Variants in PTPRR observed in about 807,000 individuals in gnomAD.
PTPRR encodes the protein receptor-type tyrosine-protein phosphatase R.
Under a neutral mutation model 77.2 loss-of-function variants are expected in PTPRR, and 38 were observed. That is an observed-to-expected ratio of 0.49 (90% CI 0.38 to 0.65). The LOEUF is 0.65. PTPRR is among the 30% of genes least tolerant of loss of function. The pLI is 0.00. For synonymous variants in PTPRR, 299 were observed against 283.1 expected, an observed-to-expected ratio of 1.06 and a Z score of -0.57; for missense variants, 744 against 799.2, an observed-to-expected ratio of 0.93 and a Z score of 0.83.
intron 2 of PTPRR, among the ~76,000 whole-genome samples, chr12:70,825,353 G>A (rs1420920959): frequency 2.0e-5 from 3 of 152,112 alleles, no homozygotes; most frequent in Non-Finnish European, 4.4e-5. Context: ...CAGAGTAAGT[G>A]ACGGAGGCAG....
At position 70,640,342 on chromosome 12, in the gene PTPRR, A is replaced by AG. The variant is rs1566036099; in HGVS notation, c.1881-1066_1881-1065insC. Among the ~76,000 whole-genome samples, 3 of 149,760 alleles carry AG rather than the reference A, an allele frequency of 2.0e-5. No individual in the cohort carries two copies. In the Admixed American group the frequency reaches 2.0e-4, roughly 10 times the overall value. On this transcript the variant is annotated intron_variant, in intron 13 of 13. Coordinates refer to ENST00000283228, the MANE Select transcript of PTPRR (RefSeq NM_002849.4). ...CACCACCACACCTGGACAATTTTTA[A>AG]ATTTTTTTTTTCTTGTAGAGACAAG...
chr12:70,689,126 T>C (rs1265345233), intron 8 of PTPRR, among the ~76,000 whole-genome samples: 4 of 152,084 alleles, frequency 2.6e-5, no homozygotes, highest in African/African-American at 7.2e-5. Flanking sequence ...ATGGTGACTA[T>C]TGTTTAATAA....
chr12:70,713,178 G>A (rs1018186232), intron 6 of PTPRR, among the ~76,000 whole-genome samples: 5 of 152,016 alleles, frequency 3.3e-5, no homozygotes, highest in Non-Finnish European at 7.4e-5. Flanking sequence ...CTTCTTTTAC[G>A]TAGCATAAAT....
At chr12:70,794,636 G>T (rs1476761873) in intron 2 of PTPRR, among the ~76,000 whole-genome samples, 1 of 151,892 alleles carries the variant, frequency 6.6e-6, no homozygotes, top group South Asian at 2.1e-4. Context: ...TCCTTTGGTG[G>T]TATTTAGTGC....
At position 70,846,483 on chromosome 12, in the gene PTPRR, A is replaced by T. The variant is rs536074175; in HGVS notation, c.357+46196T>A. Among the ~76,000 whole-genome samples the T allele has an allele frequency of 3.3e-5, 5 of 152,334 alleles. No individual in the cohort carries two copies. The South Asian group carries it at 1.0e-3, about 32-fold the overall frequency. On this transcript the variant is annotated intron_variant, in intron 2 of 13. Coordinates refer to ENST00000283228, the MANE Select transcript of PTPRR (RefSeq NM_002849.4). The stretch of plus-strand genomic sequence containing the variant: ...ATATTAGTTACGAAGAAGAAAGCGT[A>T]TATAGGCATTGCTATTGTGTGAATG...
chr12:70,748,509 C>G (rs747980211), intron 5 of PTPRR, among the ~76,000 whole-genome samples: 14 of 152,206 alleles, frequency 9.2e-5, no homozygotes, highest in Middle Eastern at 3.4e-3. Context: ...TTGTTTGACT[C>G]TTGGACTGGA....
At chr12:70,874,920 C>CA (rs34592534) in intron 2 of PTPRR, among the ~76,000 whole-genome samples, 35,687 of 76,610 alleles carry the variant, frequency 0.47, 8,396 homozygotes, top group East Asian at 0.59. Flanking sequence ...GACTCCATCT[C>CA]AAAAAAAAAA....
chr12:70,896,104 T>A (rs1893423304), intron 1 of PTPRR, among the ~76,000 whole-genome samples: 1 of 151,548 alleles, frequency 6.6e-6, no homozygotes, highest in African/African-American at 2.4e-5. Context: ...TAATATCAAT[T>A]CAGCACAAAG....
intron 8 of PTPRR, among the ~76,000 whole-genome samples, chr12:70,694,130 C>T (rs1381053586): frequency 6.6e-6 from 1 of 152,116 alleles, no homozygotes; most frequent in Non-Finnish European, 1.5e-5. Context: ...GCTTTAGCTA[C>T]ATAACTTGTT....
At chr12:70,722,519 A>G (rs913476384) in intron 6 of PTPRR, among the ~76,000 whole-genome samples, 9 of 152,170 alleles carry the variant, frequency 5.9e-5, no homozygotes, top group African/African-American at 9.7e-5. Context: ...AGTTTGAAAG[A>G]GGAGACTCCA....
rs1341767577 is a variant in PTPRR, at chr12:70,656,732, T to G, written c.1852A>C (p.Ser618Arg). ...TCCATACGAAGCTGGCAGACAATGC[T>G]TAGTGCATCCACAACTCCTTCTTCT... is the stretch of plus-strand genomic sequence containing the variant. ...LKEEGVVDALSIVCQLRMDRG... is the reference protein window; with the variant it reads ...LKEEGVVDALRIVCQLRMDRG... The change falls in exon 13 of 14, where the codon AGC (serine) becomes CGC (arginine). Residue 618 changes from serine to arginine, a missense_variant. By Grantham distance (110) the Ser-to-Arg change is moderately radical. Around this residue, in one of 3 missense-constraint regions of PTPRR, gnomAD observed 170 missense variants for 209.8 expected, o/e 0.81. Transcript: ENST00000283228. 6.2e-7 allele frequency: 1 copy of G among 1,613,812 alleles called. No individual in the cohort carries two copies. The highest frequency in any genetic ancestry group is 8.5e-7 in the Non-Finnish European group (1 of 1,179,918).
chr12:70,704,681 A>G (rs2136792669), intron 6 of PTPRR, among the ~76,000 whole-genome samples: 1 of 152,304 alleles, frequency 6.6e-6, no homozygotes, highest in African/African-American at 2.4e-5. Flanking sequence ...AACCATTTAT[A>G]TATTACAGTC....
chr12:70,897,876 A>C (rs1893459427), intron 1 of PTPRR, among the ~76,000 whole-genome samples: 1 of 151,562 alleles, frequency 6.6e-6, no homozygotes, highest in Non-Finnish European at 1.5e-5. Flanking sequence ...GAAGCTGGAA[A>C]TCATTCTCAG....
intron 1 of PTPRR, among the ~76,000 whole-genome samples, chr12:70,893,578 G>A (rs1288075352): frequency 6.6e-6 from 1 of 151,824 alleles, no homozygotes; most frequent in Non-Finnish European, 1.5e-5. Context: ...ATTTCTCTCA[G>A]TCTTCCCTGC....
intron 6 of PTPRR, among the ~76,000 whole-genome samples, chr12:70,736,821 A>G (rs1889878047): frequency 6.6e-6 from 1 of 152,206 alleles, no homozygotes; most frequent in Non-Finnish European, 1.5e-5. Context: ...ATAGGTTCCA[A>G]TAGAATGAAT....
intron 2 of PTPRR, among the ~76,000 whole-genome samples, chr12:70,863,639 C>A (rs186190328): frequency 4.7e-5 from 7 of 149,982 alleles, no homozygotes; most frequent in Admixed American, 4.6e-4. Flanking sequence ...GTTTAACTGA[C>A]ATCCTTTTTA....
At chr12:70,702,711 A>G (rs1888473869) in intron 6 of PTPRR, among the ~76,000 whole-genome samples, 1 of 152,130 alleles carries the variant, frequency 6.6e-6, no homozygotes, top group South Asian at 2.1e-4. Flanking sequence ...TAATTTCTAA[A>G]TGGTTTGTAA....
chr12:70,697,781 G>T (rs1888280318), intron 8 of PTPRR, among the ~76,000 whole-genome samples: 1 of 152,014 alleles, frequency 6.6e-6, no homozygotes, highest in Admixed American at 6.6e-5. Flanking sequence ...TGCTCCATTT[G>T]TTGAAAAGAC....
chr12:70,805,266 ATAGAAT>A (rs1355852762), intron 2 of PTPRR, among the ~76,000 whole-genome samples: 1 of 151,932 alleles, frequency 6.6e-6, no homozygotes, highest in African/African-American at 2.4e-5. Context: ...CTTAGAATTT[ATAGAAT>A]TAGTTAAAAT....
Sources: gnomAD v4.1 joint callset for allele counts (sites outside exome capture counted in the v4.1 genomes callset) on GRCh38, gnomAD v4.1.1 for gene constraint, gnomAD v4.1.1 regional missense constraint, MANE v1.5 for transcripts, NCBI Gene and HGNC (gene_info 2026-07-23, HGNC 2026-07-21) for gene names.